BRI3: variants seen among roughly 807,000 people sequenced by gnomAD.
The protein encoded by BRI3 is brain protein I3.
A neutral mutation model predicts 12.8 loss-of-function variants in BRI3; 6 were observed. The observed-to-expected ratio is 0.47, with a 90% CI of 0.26 to 0.93. BRI3 has a LOEUF of 0.93. BRI3 is among the 40% of genes least tolerant of loss of function. The pLI is 0.15. For synonymous variants in BRI3, 91 were observed against 76.1 expected (o/e 1.20, Z -1.02); for missense variants, 134 against 171.1 (o/e 0.78, Z 1.21).
intron 1 of BRI3, among the ~76,000 whole-genome samples, chr7:98,300,076 C>T (rs868865499): frequency 1.3e-5 from 2 of 152,154 alleles, no homozygotes; most frequent in Admixed American, 6.5e-5. Context: ...CAAATGTAAA[C>T]GTCTAGTTCC....
chr7:98,309,335 A>G (rs964038696), exon 2 of BRI3: 1 of 151,966 alleles, frequency 6.6e-6, no homozygotes, highest in Admixed American at 6.6e-5. Context: ...TTGTATTTTT[A>G]GTAGAGACAG....
chr7:98,317,613 T>C, the BRI3 span, among the ~76,000 whole-genome samples: 1 of 151,798 alleles, frequency 6.6e-6, no homozygotes, highest in Non-Finnish European at 1.5e-5. Flanking sequence ...ACCGTCTGCA[T>C]GCTGGCTGGG....
At position 98,291,508 on chromosome 7, in the gene BRI3, A is replaced by C; in HGVS notation, c.*265A>C. ...AGGTGAGAAATAATGTTTTCAATAA[A>C]TGAGATTCATACCATTGTTGACCTG... On this transcript the variant is annotated 3_prime_UTR_variant, in exon 3 of 3. Coordinates refer to ENST00000297290, the MANE Select transcript of BRI3 (RefSeq NM_015379.5). 1 of 1,265,162 alleles carries C rather than the reference A, an allele frequency of 7.9e-7. No homozygotes were observed. The highest frequency in any genetic ancestry group is 1.0e-6 in the Non-Finnish European group (1 of 998,712). The allele number at this position is 1,265,162 out of a possible 1,614,324, so 78.4% of individuals were successfully genotyped here.
chr7:98,285,491 C>G (rs1799680676), intron 2 of BRI3, among the ~76,000 whole-genome samples: 1 of 152,186 alleles, frequency 6.6e-6, no homozygotes, highest in East Asian at 1.9e-4. Flanking sequence ...CCCGTCCTGA[C>G]AGTCTTGGCC....
exon 2 of BRI3, chr7:98,307,825 T>G: frequency 6.2e-7 from 1 of 1,614,260 alleles, no homozygotes; most frequent in Non-Finnish European, 8.5e-7. Flanking sequence ...GTCTTCACTT[T>G]CTGCTTCTTC....
upstream of BRI3, among the ~76,000 whole-genome samples, chr7:98,303,740 G>A (rs112265694): frequency 6.6e-6 from 1 of 152,140 alleles, no homozygotes. Context: ...CCTAAACGCC[G>A]TGCCTAGAAG....
At chr7:98,300,436 C>T (rs1016238293) in intron 1 of BRI3, among the ~76,000 whole-genome samples, 1 of 152,176 alleles carries the variant, frequency 6.6e-6, no homozygotes, top group Non-Finnish European at 1.5e-5. Flanking sequence ...AGTCCCTCCC[C>T]GCAATGCTTT....
the BRI3 span, chr7:98,320,340 A>AT: frequency 2.9e-5 from 43 of 1,473,190 alleles, no homozygotes; most frequent in Admixed American, 4.0e-5. Flanking sequence ...GCCATTGCGT[A>AT]TTTTTTTGTT....
At chr7:98,310,773 G>A (rs1046700325), downstream of BRI3, among the ~76,000 whole-genome samples, 1 of 151,814 alleles carries the variant, frequency 6.6e-6, no homozygotes, top group African/African-American at 2.4e-5. Flanking sequence ...TGCAACCTCC[G>A]CCTCCCAGTT....
the BRI3 span, among the ~76,000 whole-genome samples, chr7:98,321,789 C>T: frequency 1.3e-5 from 2 of 152,242 alleles, no homozygotes; most frequent in Non-Finnish European, 2.9e-5. Flanking sequence ...TCCTACAGCT[C>T]AGCGGCCAGA....
intron 2 of BRI3, among the ~76,000 whole-genome samples, chr7:98,284,141 C>G (rs1014741057): frequency 2.6e-5 from 4 of 152,194 alleles, no homozygotes; most frequent in Non-Finnish European, 4.4e-5. Context: ...AATCACTGCT[C>G]TCTGCCTCTG....
downstream of BRI3, among the ~76,000 whole-genome samples, chr7:98,312,589 G>T: frequency 6.6e-6 from 1 of 152,158 alleles, no homozygotes. Context: ...TATGAATCCC[G>T]TTTTCCAGGT....
rs367759325 is a variant in BRI3 at position 98,291,281 on chromosome 7, C to T, written c.*38C>T. 30 of 1,610,648 alleles carry T rather than the reference C, an allele frequency of 1.9e-5. No homozygotes were observed. The highest frequency in any genetic ancestry group is 4.4e-5 in the South Asian group (4 of 90,890). Reference sequence around the variant, plus strand: ...GCCCGGCTTTCCTACACCCAGCTCTCTTTTTCTAATGTAAATGTTGTGTAC... The same window carrying T: ...GCCCGGCTTTCCTACACCCAGCTCTTTTTTTCTAATGTAAATGTTGTGTAC... On this transcript the variant is annotated 3_prime_UTR_variant, in exon 3 of 3. Transcript: ENST00000297290.
At chr7:98,294,654 A>G (rs1432907904), downstream of BRI3, among the ~76,000 whole-genome samples, 1 of 152,258 alleles carries the variant, frequency 6.6e-6, no homozygotes, top group Non-Finnish European at 1.5e-5. Flanking sequence ...ACAGGTCCTC[A>G]GCCACGGTCT....
At chr7:98,288,015 A>C (rs1314970856) in intron 2 of BRI3, among the ~76,000 whole-genome samples, 1 of 152,100 alleles carries the variant, frequency 6.6e-6, no homozygotes, top group East Asian at 1.9e-4. Context: ...GGGCTGGCTG[A>C]GGGGTGCCCG....
chr7:98,320,075 C>T, the BRI3 span: 2 of 1,613,522 alleles, frequency 1.2e-6, no homozygotes, highest in Non-Finnish European at 1.7e-6. Context: ...TATTTCACGT[C>T]AAGTTCTATC....
chr7:98,306,712 A>G, intron 1 of BRI3: 1 of 786,600 alleles, frequency 1.3e-6, no homozygotes, highest in Admixed American at 3.1e-5. Context: ...ATTGTTAACA[A>G]TTTTTTTTTA....
chr7:98,290,604 T>G (rs1297230164), intron 2 of BRI3, among the ~76,000 whole-genome samples: 1 of 152,230 alleles, frequency 6.6e-6, no homozygotes, highest in Non-Finnish European at 1.5e-5. Context: ...ATTCAAGCGA[T>G]TCTCCTGCCT....
downstream of BRI3, among the ~76,000 whole-genome samples, chr7:98,311,835 G>A (rs1800884440): frequency 6.6e-6 from 1 of 152,046 alleles, no homozygotes; most frequent in Admixed American, 6.6e-5. Flanking sequence ...GAACCCGGGA[G>A]GTGGAGGTTG....
Sources: allele counts gnomAD v4.1 joint callset (sites outside exome capture counted in the v4.1 genomes callset), GRCh38; gene constraint gnomAD v4.1.1; transcripts MANE v1.5; gene names NCBI Gene and HGNC (gene_info 2026-07-23, HGNC 2026-07-21).